Variants in CLCN5 observed in about 807,000 individuals in gnomAD.
CLCN5 encodes Cl-/H+ antiporter 5, also known as H(+)/Cl(-) exchange transporter 5.
In CLCN5, 17 loss-of-function variants were observed where a neutral mutation model predicts 54.0. The ratio of observed to expected loss-of-function variants is 0.31; its 90% CI spans 0.22 to 0.47. The LOEUF is 0.47. CLCN5 is among the 20% of genes least tolerant of loss of function. The probability of loss-of-function intolerance (pLI) is 1.00; values close to 1 mark genes in which losing one functional copy is unlikely to be tolerated. For missense variants in CLCN5, 448 were observed against 646.7 expected (o/e 0.69, Z 3.33); for synonymous variants, 222 against 233.0 (o/e 0.95, Z 0.43).
At chrX:50,033,041 C>T (rs1455700708) in intron 3 of CLCN5, among the ~76,000 whole-genome samples, 6 of 110,770 alleles carry the variant, frequency 5.4e-5, no homozygotes, top group African/African-American at 2.0e-4. Flanking sequence ...AGATATGCGG[C>T]GTTATTTCTG....
intron 3 of CLCN5, among the ~76,000 whole-genome samples, chrX:50,013,066 A>G (rs1335890947): frequency 2.7e-5 from 3 of 111,312 alleles, no homozygotes; most frequent in Non-Finnish European, 5.7e-5. Context: ...CACAACAAGT[A>G]CTTTATTAGG....
intron 3 of CLCN5, among the ~76,000 whole-genome samples, chrX:49,996,397 G>A (rs782013880): frequency 4.1e-4 from 46 of 111,431 alleles, no homozygotes; most frequent in Non-Finnish European, 7.9e-4. Flanking sequence ...TTTCCCTGGT[G>A]CAAATCCATA....
At position 49,925,284 on chromosome X, in the gene CLCN5, G is replaced by A. The variant is rs376276091; in HGVS notation, c.-15G>A. ...CTCAGCCTGTGACCCCAGCGTGGGTGAAGATAGGATCAAGATGGCCATGTG... is the reference window on the plus strand; with the variant it reads ...CTCAGCCTGTGACCCCAGCGTGGGTAAAGATAGGATCAAGATGGCCATGTG... On this transcript the variant is annotated 5_prime_UTR_variant, in exon 3 of 15. Transcript: ENST00000376091. 304 of 1,208,643 alleles carry A rather than the reference G, an allele frequency of 2.5e-4. No individual in the cohort carries two copies. Among genetic ancestry groups the A allele is most frequent in the Non-Finnish European group, 3.3e-4 (297 of 893,702 alleles).
At chrX:49,927,224 C>T (rs782667691) in intron 3 of CLCN5, among the ~76,000 whole-genome samples, 9 of 112,018 alleles carry the variant, frequency 8.0e-5, no homozygotes, top group Non-Finnish European at 1.5e-4. Flanking sequence ...ATGGAAATGT[C>T]ATTACTAGTT....
Position 49,946,249 on chromosome X carries a change from T to A in CLCN5, c.16+20935T>A, listed in dbSNP as rs186706097. 5.3e-3 allele frequency among the ~76,000 whole-genome samples: 595 copies of A among 112,198 alleles called. 2 individuals are homozygous for A. Among genetic ancestry groups the A allele is most frequent in the Admixed American group, 0.011 (114 of 10,548 alleles). ...GCTGCATAATGAATTACCACAAACT[T>A]AATTGCTCGGAACAACAACCATTTA... is the stretch of plus-strand genomic sequence containing the variant. On this transcript the variant is annotated intron_variant, in intron 3 of 14. Transcript: ENST00000376091.
intron 3 of CLCN5, among the ~76,000 whole-genome samples, chrX:50,014,049 C>T (rs1490968919): frequency 8.9e-6 from 1 of 111,808 alleles, no homozygotes; most frequent in Non-Finnish European, 1.9e-5. Context: ...AATACATGGG[C>T]TCAGGGTGCC....
At chrX:50,054,389 A>G (rs1395892175) in intron 4 of CLCN5, 4 of 111,119 alleles carry the variant, frequency 3.6e-5, no homozygotes, top group Non-Finnish European at 7.6e-5. Flanking sequence ...TTTGTTATGG[A>G]GAAATATCTG....
intron 2 of CLCN5, 168 bp downstream of exon 2, chrX:49,923,650 G>A (rs1050982465): frequency 3.6e-5 from 4 of 112,399 alleles, no homozygotes; most frequent in African/African-American, 1.3e-4. Context: ...ACGCGAAATA[G>A]GAGAAGAAAA....
At chrX:49,966,619 T>TTTTTTTTTTTTC (rs1927901547) in intron 3 of CLCN5, among the ~76,000 whole-genome samples, 1 of 31,900 alleles carries the variant, frequency 3.1e-5, no homozygotes, top group Non-Finnish European at 4.8e-5. Context: ...TTTATTTTTT[T>TTTTTTTTTTTTC]ATTTTTTTTA....
intron 3 of CLCN5, among the ~76,000 whole-genome samples, chrX:49,935,727 C>T (rs182477776): frequency 2.8e-4 from 31 of 111,098 alleles, no homozygotes; most frequent in African/African-American, 1.0e-3. Flanking sequence ...AGGTGGAAAT[C>T]CCTGAGGTGG....
chrX:49,949,964 A>G (rs1392740359), intron 3 of CLCN5, among the ~76,000 whole-genome samples: 8 of 112,246 alleles, frequency 7.1e-5, no homozygotes, highest in Non-Finnish European at 1.5e-4. Flanking sequence ...AGAATATTCA[A>G]TGTTACCAGT....
chrX:49,969,578 A>C (rs886198918), intron 3 of CLCN5, among the ~76,000 whole-genome samples: 1 of 112,399 alleles, frequency 8.9e-6, no homozygotes, highest in African/African-American at 3.2e-5. Context: ...TTTTGCAGCT[A>C]TCTTTCTGTT....
rs1156723868 is a variant in CLCN5 at position 49,990,101 on chromosome X, C to T, written c.17-52215C>T. On this transcript the variant is annotated intron_variant, in intron 3 of 14. Transcript: ENST00000376091. ...TGGCAAGGTGGGTATTTTCCCCTTT[C>T]ATTTATTTATTTATTTATAATTGTT... Among the ~76,000 whole-genome samples the T allele has an allele frequency of 4.5e-5, 5 of 111,143 alleles. No homozygotes were observed. In the Admixed American group the frequency reaches 4.8e-4, roughly 11 times the overall value.
At chrX:49,978,334 T>C (rs1557177223) in intron 3 of CLCN5, among the ~76,000 whole-genome samples, 2 of 112,195 alleles carry the variant, frequency 1.8e-5, no homozygotes, top group Admixed American at 9.4e-5. Flanking sequence ...TGTCCCATAC[T>C]GCCTTTGGGA....
At chrX:50,041,064 C>G (rs1932199409) in intron 3 of CLCN5, among the ~76,000 whole-genome samples, 1 of 111,947 alleles carries the variant, frequency 8.9e-6, no homozygotes, top group Admixed American at 9.5e-5. Flanking sequence ...AGCACATAGC[C>G]CAGTGCCTAG....
chrX:49,965,396 G>A (rs1270101500), intron 3 of CLCN5, among the ~76,000 whole-genome samples: 1 of 111,824 alleles, frequency 8.9e-6, no homozygotes, highest in African/African-American at 3.2e-5. Context: ...TGGTTTTGAT[G>A]CTATTTAAAA....
chrX:50,075,704 A>G, intron 6 of CLCN5, 91 bp from the exon 7 acceptor site: 1 of 819,091 alleles, frequency 1.2e-6, no homozygotes, highest in Non-Finnish European at 1.9e-6. Context: ...CTTTCCCCTC[A>G]TTTTCTCTGA....
intron 4 of CLCN5, among the ~76,000 whole-genome samples, chrX:50,060,826 C>T (rs1165893696): frequency 2.0e-5 from 2 of 99,678 alleles, no homozygotes; most frequent in Admixed American, 2.1e-4. Context: ...GGGCAGACTG[C>T]CTCCTCAAGT....
intron 3 of CLCN5, among the ~76,000 whole-genome samples, chrX:50,032,723 AATTAGATCCC>A (rs1931775471): frequency 9.1e-6 from 1 of 109,832 alleles, no homozygotes; most frequent in African/African-American, 3.4e-5. Flanking sequence ...TCTTGAGTTT[AATTAGATCCC>A]ATTTGTCAAT....
Sources: allele counts gnomAD v4.1 joint callset (sites outside exome capture counted in the v4.1 genomes callset), GRCh38; gene constraint gnomAD v4.1.1; transcripts MANE v1.5; gene names NCBI Gene and HGNC (gene_info 2026-07-23, HGNC 2026-07-21).